Variants in STPG2 observed in about 807,000 individuals in gnomAD.
STPG2 encodes the protein sperm tail PG-rich repeat containing 2, also known as sperm-tail PG-rich repeat-containing protein 2.
Under a neutral mutation model 54.2 loss-of-function variants are expected in STPG2, and 56 were observed. That is an observed-to-expected ratio of 1.03 (90% CI 0.83 to 1.29). The LOEUF (loss-of-function observed/expected upper bound fraction) is 1.29. STPG2 is among the 50% of genes most tolerant of loss of function. STPG2 has a pLI of 0.00. For missense variants in STPG2, 596 were observed against 544.9 expected, an observed-to-expected ratio of 1.09 and a Z score of -0.93; for synonymous variants, 200 against 181.8, an observed-to-expected ratio of 1.10 and a Z score of -0.81.
chr4:97,781,296 T>C (rs960504309), intron 9 of STPG2, among the ~76,000 whole-genome samples: 22 of 152,098 alleles, frequency 1.4e-4, no homozygotes, highest in African/African-American at 5.1e-4. Context: ...GAGAATACTA[T>C]AAACACCTCT....
intron 5 of STPG2, among the ~76,000 whole-genome samples, chr4:98,017,837 G>A (rs761104837): frequency 9.9e-5 from 15 of 151,964 alleles, no homozygotes; most frequent in Non-Finnish European, 2.1e-4. Context: ...CATGATATCT[G>A]ATGGTTTTAA....
chr4:97,999,247 T>C (rs2149274469), intron 5 of STPG2, among the ~76,000 whole-genome samples: 1 of 152,350 alleles, frequency 6.6e-6, no homozygotes. Flanking sequence ...AAAGAAATTA[T>C]TTCAAAAACA....
chr4:97,820,960 C>T (rs901012622), intron 9 of STPG2, among the ~76,000 whole-genome samples: 4 of 152,024 alleles, frequency 2.6e-5, no homozygotes, highest in Non-Finnish European at 4.4e-5. Flanking sequence ...CGCCCTCTGC[C>T]CCCCAAATCT....
chr4:97,767,111 T>G (rs1320036503), intron 9 of STPG2, among the ~76,000 whole-genome samples: 1 of 152,152 alleles, frequency 6.6e-6, no homozygotes, highest in Non-Finnish European at 1.5e-5. Context: ...GAAGTCACAG[T>G]TATTTTATGA....
At chr4:98,035,352 C>T (rs533613584) in intron 5 of STPG2, among the ~76,000 whole-genome samples, 5 of 152,272 alleles carry the variant, frequency 3.3e-5, no homozygotes, top group East Asian at 1.9e-4. Context: ...GGAAAAAAAG[C>T]TCATTATCAC....
chr4:97,541,429 G>A (rs934016256), intron 4 of STPG2, among the ~76,000 whole-genome samples: 10 of 152,008 alleles, frequency 6.6e-5, no homozygotes, highest in African/African-American at 1.9e-4. Context: ...TGTAGGATCT[G>A]TTTAAGGAGA....
At chr4:97,984,391 C>T (rs145370625) in intron 5 of STPG2, among the ~76,000 whole-genome samples, 56 of 152,212 alleles carry the variant, frequency 3.7e-4, no homozygotes, top group African/African-American at 1.3e-3. Context: ...GTAACCCACC[C>T]GCCTCAGCCT....
chr4:98,056,190 C>A (rs1737478568), intron 5 of STPG2, among the ~76,000 whole-genome samples: 1 of 152,152 alleles, frequency 6.6e-6, no homozygotes, highest in African/African-American at 2.4e-5. Flanking sequence ...CAGCACCACA[C>A]CCTAGTGCTA....
At chr4:98,115,126 T>C (rs1251011112) in intron 3 of STPG2, among the ~76,000 whole-genome samples, 2 of 151,998 alleles carry the variant, frequency 1.3e-5, no homozygotes, top group African/African-American at 4.8e-5. Flanking sequence ...ACTGCCACTC[T>C]CACTGACAAT....
At chr4:97,471,718 G>A (rs1020351666) in intron 4 of STPG2, among the ~76,000 whole-genome samples, 3 of 151,942 alleles carry the variant, frequency 2.0e-5, no homozygotes, top group Admixed American at 6.6e-5. Flanking sequence ...TTAAGACAAC[G>A]TTTTAATGTT....
intron 9 of STPG2, among the ~76,000 whole-genome samples, chr4:97,754,307 G>A (rs923640972): frequency 5.3e-5 from 8 of 152,188 alleles, no homozygotes; most frequent in South Asian, 2.1e-4. Flanking sequence ...GGAATGCTAA[G>A]AAAGTCTACT....
At chr4:97,837,539 CT>C (rs1011419902) in intron 9 of STPG2, among the ~76,000 whole-genome samples, 4 of 151,568 alleles carry the variant, frequency 2.6e-5, no homozygotes, top group African/African-American at 9.7e-5. Context: ...TGAATTAAAA[CT>C]TGGTGTAATA....
intron 10 of STPG2, among the ~76,000 whole-genome samples, chr4:97,654,728 C>A (rs971722738): frequency 1.3e-5 from 2 of 151,740 alleles, no homozygotes; most frequent in Non-Finnish European, 2.9e-5. Context: ...TCAATAAAAT[C>A]TCTTGAATGT....
intron 10 of STPG2, among the ~76,000 whole-genome samples, chr4:97,580,925 C>T (rs1732848396): frequency 6.6e-6 from 1 of 152,014 alleles, no homozygotes; most frequent in Admixed American, 6.6e-5. Context: ...CGTTCCTTTG[C>T]ATTTTCCTAT....
chr4:97,680,586 T>C (rs1723001988), intron 10 of STPG2, among the ~76,000 whole-genome samples: 1 of 152,152 alleles, frequency 6.6e-6, no homozygotes, highest in Admixed American at 6.6e-5. Context: ...CAGGGACAAT[T>C]AGACTTCCTC....
intron 10 of STPG2, among the ~76,000 whole-genome samples, chr4:97,590,007 C>T (rs1733096425): frequency 6.6e-6 from 1 of 152,100 alleles, no homozygotes; most frequent in African/African-American, 2.4e-5. Context: ...AGAATGTTTG[C>T]TCATCATTAA....
At chr4:97,632,682 A>C (rs1478911536) in intron 10 of STPG2, among the ~76,000 whole-genome samples, 1 of 152,170 alleles carries the variant, frequency 6.6e-6, no homozygotes, top group East Asian at 1.9e-4. Flanking sequence ...ACCAGCCACC[A>C]TGCTAAAGAA....
intron 9 of STPG2, among the ~76,000 whole-genome samples, chr4:97,752,725 C>A (rs1349825119): frequency 6.6e-6 from 1 of 151,842 alleles, no homozygotes; most frequent in African/African-American, 2.4e-5. Flanking sequence ...ATTACAGAAT[C>A]CAAGACTTAC....
At chr4:97,471,429 T>A (rs1424152999) in intron 4 of STPG2, among the ~76,000 whole-genome samples, 1 of 152,150 alleles carries the variant, frequency 6.6e-6, no homozygotes, top group Non-Finnish European at 1.5e-5. Flanking sequence ...ATTCATATTA[T>A]TAGAATAATA....
Sources: allele counts gnomAD v4.1 joint callset (sites outside exome capture counted in the v4.1 genomes callset), GRCh38; gene constraint gnomAD v4.1.1; transcripts MANE v1.5; gene names NCBI Gene and HGNC (gene_info 2026-07-23, HGNC 2026-07-21).